The following IFT81 variants were observed in gnomAD, a reference collection of about 807,000 sequenced individuals.
The protein encoded by IFT81 is intraflagellar transport 81.
IFT81 carries 72 observed loss-of-function variants against 102.6 expected under a neutral mutation model. The ratio of observed to expected loss-of-function variants is 0.70; its 90% CI spans 0.58 to 0.85. The LOEUF is 0.85. Among genes scored for constraint, IFT81 ranks in the 40% least tolerant of loss-of-function variants. The pLI, the probability that IFT81 is intolerant of heterozygous loss-of-function variation, is 0.00. For synonymous variants in IFT81, 237 were observed against 242.7 expected (o/e 0.98, Z 0.22); for missense variants, 723 against 787.3 (o/e 0.92, Z 0.98).
intron 15 of IFT81, 176 bp downstream of exon 15, chr12:110,204,126 TC>T: frequency 3.9e-6 from 2 of 514,370 alleles, no homozygotes; most frequent in Non-Finnish European, 6.9e-6. Flanking sequence ...CAAGACTCTC[TC>T]TCTAAAAAAA....
At position 110,180,482 on chromosome 12, in the gene IFT81, A is replaced by T. The variant is rs1217263833; in HGVS notation, c.1249A>T (p.Ile417Leu). 1.3e-5 allele frequency: 21 copies of T among 1,611,252 alleles called. No individual in the cohort carries two copies. Among genetic ancestry groups the T allele is most frequent in the Non-Finnish European group, 1.8e-5 (21 of 1,177,896 alleles). The change falls in exon 12 of 19, where the codon ATA (isoleucine) becomes TTA (leucine). Residue 417 changes from isoleucine (I) to leucine (L), a missense_variant. Transcript: ENST00000242591. ...TACAGTTTTCAAAAAGAAGCATCAG[A>T]TAATAGCTGAACTTAAAGCTGAATT... ...KSTVFKKKHQ[I>L]IAELKAEFGL...
chr12:110,139,348 A>G (rs1053007120), intron 8 of IFT81, among the ~76,000 whole-genome samples: 1 of 150,794 alleles, frequency 6.6e-6, no homozygotes, highest in African/African-American at 2.4e-5. Context: ...AAAAAAAAAA[A>G]AAAAAAAGAA....
chr12:110,167,391 A>G (rs1242058280), intron 11 of IFT81, among the ~76,000 whole-genome samples: 2 of 152,148 alleles, frequency 1.3e-5, no homozygotes, highest in Non-Finnish European at 2.9e-5. Flanking sequence ...TAAAAGATAC[A>G]TTTTCCTACC....
chr12:110,146,967 C>A lies in IFT81; in HGVS notation c.960C>A (p.Asn320Lys). The change falls in exon 10 of 19, where the codon AAC becomes AAA. Residue 320 changes from asparagine (N) to lysine (K), a missense_variant. Coordinates refer to ENST00000242591, the MANE Select transcript of IFT81 (RefSeq NM_014055.4). ...TGCTATTTTAGATAAATGAAATAAA[C>A]ACAGAAATTAACCAGTTGATTGAAA... The part of the protein sequence containing the change: ...LELESKINEI[N>K]TEINQLIEKK... 6.3e-7 allele frequency: 1 copy of A among 1,598,534 alleles called. No individual in the cohort carries two copies. Among genetic ancestry groups the A allele is most frequent in the Non-Finnish European group, 8.5e-7 (1 of 1,172,882 alleles).
In IFT81 at chr12:110,190,999, G is replaced by A. The variant is rs374203936; in HGVS notation, c.1418G>A (p.Ser473Asn). 3.7e-5 allele frequency: 60 copies of A among 1,610,000 alleles called. No individual in the cohort carries two copies. Among genetic ancestry groups the A allele is most frequent in the Non-Finnish European group, 4.8e-5 (57 of 1,178,396 alleles). ...CTAGAAAGAGTATCTGCACTGAAGAGTGAAGTTGATGAAATGAAAGGACGA... is the reference window on the plus strand; with the variant it reads ...CTAGAAAGAGTATCTGCACTGAAGAATGAAGTTGATGAAATGAAAGGACGA... ...EELERVSALKSEVDEMKGRTL... is the reference protein window; with the variant it reads ...EELERVSALKNEVDEMKGRTL... The change falls in exon 13 of 19, where the codon AGT (serine) becomes AAT (asparagine). Residue 473 changes from serine (S) to asparagine (N), a missense_variant. By Grantham distance (46) the Ser-to-Asn change is conservative (BLOSUM62 1). Transcript: ENST00000242591.
chr12:110,158,328 G>A (rs974124899), intron 10 of IFT81, among the ~76,000 whole-genome samples: 1 of 152,122 alleles, frequency 6.6e-6, no homozygotes, highest in Non-Finnish European at 1.5e-5. Context: ...TGATTCACCT[G>A]CTTTGGCCTC....
At chr12:110,200,929 G>A (rs1026894995) in intron 14 of IFT81, among the ~76,000 whole-genome samples, 2 of 151,738 alleles carry the variant, frequency 1.3e-5, no homozygotes, top group Admixed American at 6.6e-5. Context: ...CAGCCTGGGC[G>A]ACAGAGCAAG....
intron 1 of IFT81, among the ~76,000 whole-genome samples, chr12:110,126,763 C>T (rs569283306): frequency 3.9e-5 from 6 of 152,050 alleles, no homozygotes; most frequent in African/African-American, 1.4e-4. Flanking sequence ...TCATTGAAGG[C>T]CAAAGGAAAT....
In IFT81 at chr12:110,218,262, C is replaced by A; in HGVS notation, c.*36C>A. On this transcript the variant is annotated 3_prime_UTR_variant, in exon 19 of 19. Coordinates refer to ENST00000242591, the MANE Select transcript of IFT81 (RefSeq NM_014055.4). ...CATCGTTTGGGGTTTTACTTGATACCACTAGCTATAAGCCTAATCTCATAA... is the reference window on the plus strand; with the variant it reads ...CATCGTTTGGGGTTTTACTTGATACAACTAGCTATAAGCCTAATCTCATAA... 6.9e-7 allele frequency: 1 copy of A among 1,449,072 alleles called. No homozygotes were observed. The highest frequency in any genetic ancestry group is 9.2e-7 in the Non-Finnish European group (1 of 1,085,978). The allele number at this position is 1,449,072 out of a possible 1,614,324, so 89.8% of individuals were successfully genotyped here.
intron 14 of IFT81, among the ~76,000 whole-genome samples, chr12:110,199,247 T>A (rs1211979095): frequency 6.6e-6 from 1 of 152,188 alleles, no homozygotes; most frequent in Non-Finnish European, 1.5e-5. Flanking sequence ...TGATTCTCAC[T>A]CCTAATGAAT....
chr12:110,124,575 A>C lies in IFT81; in HGVS notation c.-308A>C, dbSNP rs1893715690. 1 of 152,252 alleles carries C rather than the reference A, an allele frequency of 6.6e-6. No homozygotes were observed. Among genetic ancestry groups the C allele is most frequent in the African/African-American group, 2.4e-5 (1 of 41,442 alleles). 9.4% of individuals were successfully genotyped at this position (152,252 alleles called of 1,614,324 possible). ...TCGCGGTTAAGCCCCCGGATAGGGGAATCGGGCCCCTTCTGGGATTCGAGC... is the reference window on the plus strand; with the variant it reads ...TCGCGGTTAAGCCCCCGGATAGGGGCATCGGGCCCCTTCTGGGATTCGAGC... On this transcript the variant is annotated 5_prime_UTR_variant, in exon 1 of 19. Transcript: ENST00000242591.
chr12:110,177,385 C>T (rs1897083112), intron 11 of IFT81, among the ~76,000 whole-genome samples: 1 of 152,158 alleles, frequency 6.6e-6, no homozygotes, highest in Non-Finnish European at 1.5e-5. Context: ...CAGGTTCAAG[C>T]AATTCTCATG....
intron 18 of IFT81, among the ~76,000 whole-genome samples, chr12:110,212,144 T>A (rs1003092811): frequency 6.6e-6 from 1 of 151,416 alleles, no homozygotes; most frequent in African/African-American, 2.4e-5. Context: ...ACTTGAAAGA[T>A]GAATTAGCTC....
chr12:110,186,628 C>A (rs1008479229), intron 12 of IFT81, among the ~76,000 whole-genome samples: 3 of 152,110 alleles, frequency 2.0e-5, no homozygotes, highest in Non-Finnish European at 2.9e-5. Context: ...ATTCTCCCAC[C>A]TCAGCCTCCT....
chr12:110,182,947 G>A (rs1897367581), intron 12 of IFT81, among the ~76,000 whole-genome samples: 2 of 152,120 alleles, frequency 1.3e-5, no homozygotes, highest in South Asian at 4.1e-4. Flanking sequence ...CATATCATGG[G>A]CATCGGTTTA....
chr12:110,191,930 G>A (rs531210339), intron 13 of IFT81, among the ~76,000 whole-genome samples: 8 of 152,068 alleles, frequency 5.3e-5, no homozygotes, highest in Non-Finnish European at 1.2e-4. Context: ...CAGCACTTTG[G>A]GAGGCCGAGG....
chr12:110,209,465 T>TA (rs1869123928), intron 18 of IFT81, among the ~76,000 whole-genome samples: 1 of 152,176 alleles, frequency 6.6e-6, no homozygotes, highest in Admixed American at 6.5e-5. Context: ...TGTTCTGCGT[T>TA]ACAGTTTTCA....
Position 110,192,672 on chromosome 12 carries a change from T to A in IFT81, c.1523T>A (p.Ile508Lys). ...AAGAAGTCAGCTCTTGCCTCAGTTATAAAAGAGCTACGACAGTTGCGTCAA... is the reference window on the plus strand; with the variant it reads ...AAGAAGTCAGCTCTTGCCTCAGTTAAAAAAGAGCTACGACAGTTGCGTCAA... ...SEKKSALASV[I>K]KELRQLRQKY... The change falls in exon 14 of 19, where the codon ATA becomes AAA. Residue 508 changes from isoleucine (I) to lysine (K), a missense_variant. Coordinates refer to ENST00000242591, the MANE Select transcript of IFT81 (RefSeq NM_014055.4). 1 of 1,592,246 alleles carries A rather than the reference T, an allele frequency of 6.3e-7. No individual in the cohort carries two copies. The highest frequency in any genetic ancestry group is 8.5e-7 in the Non-Finnish European group (1 of 1,169,714).
Position 110,218,099 on chromosome 12 carries a change from A to G in IFT81, c.1904A>G (p.Gln635Arg). 6.2e-7 allele frequency: 1 copy of G among 1,605,306 alleles called. No individual in the cohort carries two copies. The highest frequency in any genetic ancestry group is 2.2e-5 in the East Asian group (1 of 44,632). The change falls in exon 19 of 19, where the codon CAA becomes CGA. Residue 635 changes from glutamine (Q) to arginine (R), a missense_variant. Transcript: ENST00000242591. The stretch of plus-strand genomic sequence containing the variant: ...GAAAGTCATGGTCCAAATATGAAAC[A>G]AGCAAAAATGTGGCGTGATTTGGAA... ...IRESHGPNMK[Q>R]AKMWRDLEQL...
Sources: allele counts gnomAD v4.1 joint callset (sites outside exome capture counted in the v4.1 genomes callset), GRCh38; gene constraint gnomAD v4.1.1; transcripts MANE v1.5; gene names NCBI Gene and HGNC (gene_info 2026-07-23, HGNC 2026-07-21).